Variants in NCOA3 observed in about 807,000 individuals in gnomAD.
NCOA3 encodes CBP-interacting protein.
NCOA3 carries 51 observed loss-of-function variants against 158.8 expected under a neutral mutation model. That is an observed-to-expected ratio of 0.32 (90% CI 0.26 to 0.41). NCOA3 has a LOEUF of 0.41. Among genes scored for constraint, NCOA3 ranks in the 10% least tolerant of loss-of-function variants. The pLI, the probability that NCOA3 is intolerant of heterozygous loss-of-function variation, is 1.00. For synonymous variants in NCOA3, 537 were observed against 592.4 expected, an observed-to-expected ratio of 0.91 and a Z score of 1.36; for missense variants, 1,510 against 1,746.6, an observed-to-expected ratio of 0.86 and a Z score of 2.41.
intron 1 of NCOA3, among the ~76,000 whole-genome samples, chr20:47,525,971 G>A (rs1366883093): frequency 6.6e-6 from 1 of 151,728 alleles, no homozygotes; most frequent in Non-Finnish European, 1.5e-5. Flanking sequence ...GGACAAGGTG[G>A]CTGCTGGGCG....
At chr20:47,604,345 C>G (rs538094278) in intron 2 of NCOA3, among the ~76,000 whole-genome samples, 1 of 152,248 alleles carries the variant, frequency 6.6e-6, no homozygotes, top group African/African-American at 2.4e-5. Flanking sequence ...GTGTTCTTTT[C>G]CCCTCTTCAC....
chr20:47,643,607 C>T (rs1404204181), intron 17 of NCOA3, among the ~76,000 whole-genome samples: 1 of 152,104 alleles, frequency 6.6e-6, no homozygotes, highest in Non-Finnish European at 1.5e-5. Context: ...TGTCACTATT[C>T]CCCTGTGTTG....
chr20:47,512,231 A>G (rs1051792857), intron 1 of NCOA3, among the ~76,000 whole-genome samples: 1 of 152,178 alleles, frequency 6.6e-6, no homozygotes, highest in Admixed American at 6.5e-5. Flanking sequence ...TCTAGAAAAA[A>G]TAACTAATTT....
intron 2 of NCOA3, among the ~76,000 whole-genome samples, chr20:47,611,759 T>C (rs1230853914): frequency 6.6e-6 from 1 of 151,994 alleles, no homozygotes; most frequent in Non-Finnish European, 1.5e-5. Flanking sequence ...GCCACTGCAC[T>C]CCAGCCTGGG....
chr20:47,525,313 A>G (rs1232450619), intron 1 of NCOA3, among the ~76,000 whole-genome samples: 8 of 150,628 alleles, frequency 5.3e-5, no homozygotes, highest in Admixed American at 2.6e-4. Context: ...AACAAAATGA[A>G]AAGTCTCCCA....
intron 22 of NCOA3, among the ~76,000 whole-genome samples, 153 bp from the exon 23 acceptor site, chr20:47,653,253 G>C (rs997594115): frequency 8.5e-5 from 13 of 152,150 alleles, no homozygotes; most frequent in Non-Finnish European, 1.8e-4. Flanking sequence ...TGGTAAGCCA[G>C]AGCTGCATTG....
rs6018591 is a variant in NCOA3, at chr20:47,618,370, T to A, written c.-19-3859T>A. Reference sequence around the variant, plus strand: ...TTAGTTTTTTTTTTTTTTTTTTTTTTATAGACAGAATTCACTCTTGCTGCC... The same window carrying A: ...TTAGTTTTTTTTTTTTTTTTTTTTTAATAGACAGAATTCACTCTTGCTGCC... On this transcript the variant is annotated intron_variant, in intron 2 of 22. Coordinates refer to ENST00000371998, the MANE Select transcript of NCOA3 (RefSeq NM_181659.3). Among the ~76,000 whole-genome samples the A allele has an allele frequency of 5.0e-3, 717 of 142,094 alleles. 5 individuals carry two copies. Among genetic ancestry groups the A allele is most frequent in the African/African-American group, 0.016 (585 of 36,676 alleles). The allele number at this position is 142,094 out of a possible 152,430, so 93.2% of individuals were successfully genotyped here.
chr20:47,611,355 T>C (rs1668026590), intron 2 of NCOA3, among the ~76,000 whole-genome samples: 1 of 152,216 alleles, frequency 6.6e-6, no homozygotes, highest in African/African-American at 2.4e-5. Context: ...TATCTCTTTC[T>C]TCCTCTGCTG....
intron 1 of NCOA3, among the ~76,000 whole-genome samples, chr20:47,531,779 T>G (rs1404535690): frequency 6.6e-6 from 1 of 152,188 alleles, no homozygotes; most frequent in African/African-American, 2.4e-5. Context: ...TTGTAACCTT[T>G]TTACCTCTGT....
At chr20:47,602,888 C>T (rs1054380755) in intron 2 of NCOA3, among the ~76,000 whole-genome samples, 1 of 151,988 alleles carries the variant, frequency 6.6e-6, no homozygotes, top group Non-Finnish European at 1.5e-5. Flanking sequence ...GAAAGGAAGC[C>T]ATCTTATTAA....
At chr20:47,633,730 T>A in intron 9 of NCOA3, 94 bp downstream of exon 9, 1 of 1,359,380 alleles carries the variant, frequency 7.4e-7, no homozygotes, top group Non-Finnish European at 1.0e-6. Flanking sequence ...CTCCTGGATT[T>A]AATTGACCCT....
At chr20:47,523,658 C>T (rs2084380966) in intron 1 of NCOA3, among the ~76,000 whole-genome samples, 1 of 152,176 alleles carries the variant, frequency 6.6e-6, no homozygotes, top group Non-Finnish European at 1.5e-5. Flanking sequence ...GTAGATTTTC[C>T]TCTACTTTAC....
intron 16 of NCOA3, among the ~76,000 whole-genome samples, chr20:47,641,487 C>CTCCTTTTT (rs2086608057): frequency 9.8e-6 from 1 of 101,850 alleles, no homozygotes; most frequent in African/African-American, 4.1e-5. Context: ...GCCTGGCTCC[C>CTCCTTTTT]TTCTTTTTTT....
chr20:47,631,635 A>G (rs980517678), intron 8 of NCOA3, among the ~76,000 whole-genome samples: 1 of 152,232 alleles, frequency 6.6e-6, no homozygotes, highest in African/African-American at 2.4e-5. Flanking sequence ...AAGTTTAGGT[A>G]TTAAGTGTAC....
intron 1 of NCOA3, among the ~76,000 whole-genome samples, chr20:47,536,092 G>C (rs952591883): frequency 5.9e-5 from 9 of 152,128 alleles, no homozygotes; most frequent in Non-Finnish European, 1.0e-4. Context: ...ACAAGATAGG[G>C]GGGCATGGCA....
intron 1 of NCOA3, among the ~76,000 whole-genome samples, chr20:47,559,708 C>T (rs1011654445): frequency 5.3e-5 from 8 of 152,206 alleles, no homozygotes; most frequent in Non-Finnish European, 8.8e-5. Flanking sequence ...TGGTGAAACC[C>T]CGTCTCTACT....
intron 2 of NCOA3, among the ~76,000 whole-genome samples, chr20:47,590,510 A>G (rs1415545866): frequency 6.6e-6 from 1 of 152,174 alleles, no homozygotes; most frequent in Non-Finnish European, 1.5e-5. Flanking sequence ...CTACAAAAGC[A>G]TAATATATTA....
chr20:47,524,632 A>G (rs1325327499), intron 1 of NCOA3, among the ~76,000 whole-genome samples: 1 of 152,210 alleles, frequency 6.6e-6, no homozygotes, highest in Non-Finnish European at 1.5e-5. Context: ...GAAGACAGAA[A>G]GAGGAAGCTC....
intron 1 of NCOA3, among the ~76,000 whole-genome samples, chr20:47,558,230 G>GTTTTTTTT (rs1169500513): frequency 4.4e-5 from 2 of 45,548 alleles, no homozygotes; most frequent in Admixed American, 2.3e-4. Context: ...AGCTAATTTT[G>GTTTTTTTT]TATTTTTTTT....
Sources: allele counts gnomAD v4.1 joint callset (sites outside exome capture counted in the v4.1 genomes callset), GRCh38; gene constraint gnomAD v4.1.1; transcripts MANE v1.5; gene names NCBI Gene and HGNC (gene_info 2026-07-23, HGNC 2026-07-21).